The following UGT2B15 variants were observed in gnomAD, a reference collection of about 807,000 sequenced individuals.
UGT2B15 encodes UDP-glucuronosyltransferase 2B15.
Under a neutral mutation model 45.9 loss-of-function variants are expected in UGT2B15, and 36 were observed. The ratio of observed to expected loss-of-function variants is 0.78; its 90% confidence interval spans 0.60 to 1.04. UGT2B15 has a LOEUF of 1.04. Ranked by LOEUF, UGT2B15 falls within the 50% of genes least tolerant of loss-of-function variation. UGT2B15 has a pLI of 0.00. For missense variants in UGT2B15, 617 were observed against 622.4 expected (o/e 0.99, Z 0.09); for synonymous variants, 219 against 216.4 (o/e 1.01, Z -0.11).
At chr4:68,654,285 A>C in intron 4 of UGT2B15, 29 bp from the exon 5 acceptor site, 2 of 1,605,504 alleles carry the variant, frequency 1.2e-6, no homozygotes, top group Non-Finnish European at 1.7e-6. Context: ...TAACAAAATT[A>C]TTAATTACAA....
chr4:68,646,863 T>C lies in UGT2B15; in HGVS notation c.*241A>G. The C allele has an allele frequency of 8.7e-6, 5 of 575,018 alleles. No individual in the cohort carries two copies. The highest frequency in any genetic ancestry group is 1.4e-5 in the Non-Finnish European group (5 of 347,482). The allele number at this position is 575,018 out of a possible 1,614,324, so 35.6% of individuals were successfully genotyped here. On this transcript the variant is annotated 3_prime_UTR_variant, in exon 6 of 6. Transcript: ENST00000338206. Reference sequence around the variant, plus strand: ...CAGTAACTCGTCATTTAACATTAGGTATATCTCCAAATGCTATCCTTCCCC... The same window carrying C: ...CAGTAACTCGTCATTTAACATTAGGCATATCTCCAAATGCTATCCTTCCCC...
At chr4:68,663,636 G>A (rs1733028710) in intron 2 of UGT2B15, among the ~76,000 whole-genome samples, 1 of 151,820 alleles carries the variant, frequency 6.6e-6, no homozygotes, top group South Asian at 2.1e-4. Flanking sequence ...TGAGCATTGA[G>A]GAAAAGTTAG....
chr4:68,667,976 G>A, intron 2 of UGT2B15, 64 bp downstream of exon 2: 6 of 1,584,366 alleles, frequency 3.8e-6, no homozygotes, highest in Non-Finnish European at 5.1e-6. Context: ...CACTCTGAAA[G>A]AAACATATCC....
rs545969716 is a variant in UGT2B15 at position 68,646,946 on chromosome 4, G to A, written c.*158C>T. The A allele has an allele frequency of 1.0e-4, 108 of 1,066,042 alleles. No individual in the cohort carries two copies. Among genetic ancestry groups the A allele is most frequent in the Middle Eastern group, 6.2e-4 (2 of 3,246 alleles). The allele number at this position is 1,066,042 out of a possible 1,614,324, so 66.0% of individuals were successfully genotyped here. On this transcript the variant is annotated 3_prime_UTR_variant, in exon 6 of 6. Coordinates refer to ENST00000338206, the MANE Select transcript of UGT2B15 (RefSeq NM_001076.4). ...ACATAGAATAATTCAGCTAAAGTAC[G>A]TATTAAATCCCTGGAAAATAAATTT...
chr4:68,658,761 A>G (rs1016535963), intron 3 of UGT2B15, among the ~76,000 whole-genome samples: 1 of 152,036 alleles, frequency 6.6e-6, no homozygotes. Flanking sequence ...AAATGGCAAC[A>G]CTATCCTTCA....
intron 3 of UGT2B15, among the ~76,000 whole-genome samples, chr4:68,658,480 T>C (rs1732873331): frequency 1.3e-5 from 2 of 152,146 alleles, no homozygotes. Flanking sequence ...TTCATACTTA[T>C]TGTTGCCAAA....
chr4:68,651,329 T>C (rs1732648482), intron 5 of UGT2B15, among the ~76,000 whole-genome samples: 1 of 152,126 alleles, frequency 6.6e-6, no homozygotes, highest in Non-Finnish European at 1.5e-5. Flanking sequence ...AATTTTTGTA[T>C]AAGGTGTAAG....
chr4:68,666,752 A>ATATTT (rs1553925091), intron 2 of UGT2B15, among the ~76,000 whole-genome samples: 14 of 127,892 alleles, frequency 1.1e-4, no homozygotes, highest in Non-Finnish European at 1.9e-4. Context: ...ATATATATAT[A>ATATTT]TTTTTTTTTT....
intron 3 of UGT2B15, among the ~76,000 whole-genome samples, chr4:68,660,738 G>A (rs1301668202): frequency 6.6e-6 from 1 of 151,914 alleles, no homozygotes; most frequent in East Asian, 1.9e-4. Flanking sequence ...TCAAAATAGT[G>A]TCTTCAGGTT....
At position 68,670,467 on chromosome 4, in the gene UGT2B15, T is replaced by C; in HGVS notation, c.152A>G (p.His51Arg). 6.2e-7 allele frequency: 1 copy of C among 1,614,076 alleles called. No homozygotes were observed. The highest frequency in any genetic ancestry group is 2.2e-5 in the East Asian group (1 of 44,866). Residue 51 changes from histidine to arginine, a missense_variant, in exon 1 of 6, where the codon CAT becomes CGT. By Grantham distance (29) the His-to-Arg change is conservative. Around this residue, in one of 3 missense-constraint regions of UGT2B15, gnomAD observed 351 missense variants for 342.1 expected, o/e 1.03. Coordinates refer to ENST00000338206, the MANE Select transcript of UGT2B15 (RefSeq NM_001076.4). The part of the protein sequence containing the change: ...TILEELVQRG[H>R]EVTVLTSSAS... ...CGAAGATGTCAACACAGTCACCTCA[T>C]GACCCCTCTGAACAAGCTCTTCCAG...
chr4:68,653,950 A>G (rs1055683159), intron 5 of UGT2B15, 87 bp downstream of exon 5: 4 of 1,513,084 alleles, frequency 2.6e-6, no homozygotes, highest in Non-Finnish European at 3.6e-6. Context: ...CTTCAAAATT[A>G]GTCTCTTAAA....
At position 68,655,178 on chromosome 4, in the gene UGT2B15, A is replaced by G; in HGVS notation, c.1010T>C (p.Leu337Pro). The G allele has an allele frequency of 6.2e-7, 1 of 1,613,300 alleles. No individual in the cohort carries two copies. The highest frequency in any genetic ancestry group is 1.1e-5 in the South Asian group (1 of 91,046). Residue 337 changes from leucine to proline, a missense_variant, in exon 4 of 6, where the codon CTA becomes CCA. Around this residue, in one of 3 missense-constraint regions of UGT2B15, gnomAD observed 265 missense variants for 245.1 expected, o/e 1.08. Transcript: ENST00000338206. ...TGGCTTCTTGCCATCAAATCTCCATAGAACCTGTTAGGGCAAGGAAAATAT... is the reference window on the plus strand; with the variant it reads ...TGGCTTCTTGCCATCAAATCTCCATGGAACCTGTTAGGGCAAGGAAAATAT... ...SALAQIPQKV[L>P]WRFDGKKPNT... is the part of the protein sequence containing the mutation.
intron 5 of UGT2B15, among the ~76,000 whole-genome samples, chr4:68,652,240 C>A (rs971247032): frequency 6.6e-6 from 1 of 151,954 alleles, no homozygotes; most frequent in African/African-American, 2.4e-5. Flanking sequence ...TATCCAGAGG[C>A]TTTGCTGAAG....
At chr4:68,665,421 A>G (rs1401641489) in intron 2 of UGT2B15, among the ~76,000 whole-genome samples, 14 of 152,148 alleles carry the variant, frequency 9.2e-5, no homozygotes, top group African/African-American at 2.7e-4. Flanking sequence ...CTTGGTATGC[A>G]CATTATGTAA....
At chr4:68,656,253 A>T (rs1732801676) in intron 3 of UGT2B15, among the ~76,000 whole-genome samples, 1 of 152,090 alleles carries the variant, frequency 6.6e-6, no homozygotes, top group Non-Finnish European at 1.5e-5. Context: ...TGATTCTAGG[A>T]TGGCAGAGGG....
intron 5 of UGT2B15, among the ~76,000 whole-genome samples, chr4:68,647,852 C>A (rs1353206735): frequency 2.0e-5 from 3 of 151,978 alleles, no homozygotes; most frequent in Non-Finnish European, 2.9e-5. Context: ...GAAGCTAGGA[C>A]TACAACTGCA....
At chr4:68,665,072 T>C (rs1035447019) in intron 2 of UGT2B15, among the ~76,000 whole-genome samples, 2 of 152,164 alleles carry the variant, frequency 1.3e-5, no homozygotes, top group African/African-American at 4.8e-5. Context: ...AGCACTGATC[T>C]CATTCTGTGA....
intron 2 of UGT2B15, among the ~76,000 whole-genome samples, chr4:68,667,520 C>T (rs1733176688): frequency 6.6e-6 from 1 of 151,986 alleles, no homozygotes; most frequent in Non-Finnish European, 1.5e-5. Context: ...ATCGTTTCAC[C>T]TATCTCTGCA....
At chr4:68,659,126 T>G (rs1732890309) in intron 3 of UGT2B15, among the ~76,000 whole-genome samples, 1 of 152,068 alleles carries the variant, frequency 6.6e-6, no homozygotes, top group Non-Finnish European at 1.5e-5. Context: ...GTTCATAAAA[T>G]TTTGAAAAAC....
Sources: allele counts gnomAD v4.1 joint callset (sites outside exome capture counted in the v4.1 genomes callset), GRCh38; gene constraint gnomAD v4.1.1; regional missense constraint gnomAD v4.1.1; transcripts MANE v1.5; gene names NCBI Gene and HGNC (gene_info 2026-07-23, HGNC 2026-07-21).